Variants in LIMCH1 observed in about 807,000 individuals in gnomAD.
The protein encoded by LIMCH1 is LIM and calponin homology domains-containing protein 1.
In LIMCH1, 113 loss-of-function variants were observed where a neutral mutation model predicts 176.5. That is an observed-to-expected ratio of 0.64 (90% CI 0.55 to 0.75). The LOEUF is 0.75. Among genes scored for constraint, LIMCH1 ranks in the 30% least tolerant of loss-of-function variants. The pLI is 0.00. For missense variants in LIMCH1, 1,674 were observed against 1,814.9 expected, an observed-to-expected ratio of 0.92 and a Z score of 1.41; for synonymous variants, 619 against 645.9, an observed-to-expected ratio of 0.96 and a Z score of 0.63.
intron 18 of LIMCH1, among the ~76,000 whole-genome samples, chr4:41,659,473 T>G (rs962185214): frequency 6.6e-6 from 1 of 152,136 alleles, no homozygotes; most frequent in Non-Finnish European, 1.5e-5. Flanking sequence ...TGTTTAAAAT[T>G]TCTTTGTTTT....
rs756226674 is a variant in LIMCH1, at chr4:41,687,899, C to A, written c.4148C>A (p.Pro1383His). 5 of 1,613,488 alleles carry A rather than the reference C, an allele frequency of 3.1e-6. No homozygotes were observed. Among genetic ancestry groups the A allele is most frequent in the Non-Finnish European group, 3.4e-6 (4 of 1,179,608 alleles). ...TTCTCTCCCTGTTCTCCCACCCCTC[C>A]CGGTCAGTCACCAAACAGGTACAAG... The part of the protein sequence containing the change: ...GPFSPCSPTP[P>H]GQSPNRSISG... The change falls in exon 29 of 32, where the codon CCC (proline) becomes CAC (histidine). Residue 1383 changes from proline to histidine, a missense_variant. Transcript: ENST00000503057.
intron 22 of LIMCH1, among the ~76,000 whole-genome samples, chr4:41,674,755 A>C (rs1173010040): frequency 6.6e-6 from 1 of 152,230 alleles, no homozygotes; most frequent in African/African-American, 2.4e-5. Flanking sequence ...TTTATGATAA[A>C]GTGTTGAATA....
intron 22 of LIMCH1, among the ~76,000 whole-genome samples, chr4:41,671,982 G>A (rs1473147237): frequency 1.3e-5 from 2 of 151,882 alleles, no homozygotes; most frequent in Admixed American, 6.6e-5. Context: ...TAACGCCATT[G>A]GGTAAATTAT....
chr4:41,521,423 A>G (rs1269825163), intron 2 of LIMCH1, among the ~76,000 whole-genome samples: 2 of 152,194 alleles, frequency 1.3e-5, no homozygotes, highest in African/African-American at 2.4e-5. Context: ...CATCAGCATA[A>G]TCACTTCAAA....
At chr4:41,696,306 C>T (rs1035562503) in intron 31 of LIMCH1, among the ~76,000 whole-genome samples, 1 of 152,178 alleles carries the variant, frequency 6.6e-6, no homozygotes, top group Non-Finnish European at 1.5e-5. Flanking sequence ...TGTCTTTGTA[C>T]ATGGTGTTCT....
intron 2 of LIMCH1, among the ~76,000 whole-genome samples, chr4:41,522,309 G>A (rs1429825036): frequency 6.6e-6 from 1 of 151,910 alleles, no homozygotes; most frequent in Non-Finnish European, 1.5e-5. Context: ...GAAAAAACAA[G>A]GTGTAGGACA....
intron 1 of LIMCH1, among the ~76,000 whole-genome samples, chr4:41,479,386 G>A (rs529790622): frequency 6.6e-6 from 1 of 152,144 alleles, no homozygotes; most frequent in Admixed American, 6.5e-5. Context: ...CAAGTAGCTG[G>A]GTCTACATGC....
chr4:41,690,749 A>G (rs1005546261), intron 30 of LIMCH1, among the ~76,000 whole-genome samples: 10 of 152,328 alleles, frequency 6.6e-5, no homozygotes, highest in African/African-American at 2.4e-4. Flanking sequence ...AGCAAGATTT[A>G]TCATAGACAA....
chr4:41,435,314 G>C (rs1325837678), intron 1 of LIMCH1, among the ~76,000 whole-genome samples: 1 of 152,178 alleles, frequency 6.6e-6, no homozygotes, highest in African/African-American at 2.4e-5. Flanking sequence ...AAGGGACCAT[G>C]AGCAAAGGAA....
At chr4:41,545,893 C>A (rs1246201727) in intron 1 of LIMCH1, among the ~76,000 whole-genome samples, 3 of 152,084 alleles carry the variant, frequency 2.0e-5, no homozygotes, top group African/African-American at 7.2e-5. Flanking sequence ...CCATAGTTTA[C>A]ATGGTCCAAC....
At chr4:41,591,188 T>A (rs1160149276) in intron 1 of LIMCH1, among the ~76,000 whole-genome samples, 1 of 152,156 alleles carries the variant, frequency 6.6e-6, no homozygotes, top group Admixed American at 6.5e-5. Context: ...CTAGTCCGTA[T>A]TAAAATTTCT....
intron 1 of LIMCH1, chr4:41,473,274 A>G (rs1388298390): frequency 5.2e-6 from 4 of 775,238 alleles, no homozygotes; most frequent in African/African-American, 1.9e-5. Flanking sequence ...ATTTTGTGCA[A>G]TGGTACATCC....
At chr4:41,406,462 A>G (rs1279863376) in intron 1 of LIMCH1, among the ~76,000 whole-genome samples, 7 of 152,220 alleles carry the variant, frequency 4.6e-5, no homozygotes, top group African/African-American at 1.7e-4. Context: ...AATGGTGAGG[A>G]TAAGCTTATG....
In LIMCH1 at chr4:41,596,059, AAAT is replaced by A. The variant is rs1484866927; in HGVS notation, c.-240-2858_-240-2856del. On this transcript the variant is annotated intron_variant, in intron 1 of 31. Transcript: ENST00000503057. ...GTGAGACTCCATCTCAAAAAAAAAA[AAAT>A]AAAAAAGTTCACCAGCAAGCTTTGA... is the stretch of plus-strand genomic sequence containing the variant. 6.8e-3 allele frequency among the ~76,000 whole-genome samples: 965 copies of A among 141,334 alleles called. 77 individuals carry two copies. The highest frequency in any genetic ancestry group is 0.029 in the African/African-American group (920 of 32,168). The allele number at this position is 141,334 out of a possible 152,430, so 92.7% of individuals were successfully genotyped here.
intron 27 of LIMCH1, among the ~76,000 whole-genome samples, chr4:41,685,213 T>G (rs527572711): frequency 1.3e-5 from 2 of 152,210 alleles, no homozygotes; most frequent in African/African-American, 4.8e-5. Flanking sequence ...TTTTTTAGCT[T>G]GTTGTCTATA....
intron 1 of LIMCH1, among the ~76,000 whole-genome samples, chr4:41,426,080 G>C (rs2154133508): frequency 7.1e-6 from 1 of 140,420 alleles, no homozygotes; most frequent in African/African-American, 2.7e-5. Context: ...GGAGTGCAGT[G>C]GCGGGATCTC....
chr4:41,606,966 T>G (rs548011054), intron 4 of LIMCH1, among the ~76,000 whole-genome samples: 3 of 152,118 alleles, frequency 2.0e-5, no homozygotes, highest in African/African-American at 7.2e-5. Flanking sequence ...GCCTGGCTAA[T>G]TTTTGTATTT....
chr4:41,574,373 A>G (rs939273323), intron 1 of LIMCH1, among the ~76,000 whole-genome samples: 22 of 149,568 alleles, frequency 1.5e-4, no homozygotes, highest in Non-Finnish European at 4.4e-5. Flanking sequence ...AGCTCACTGC[A>G]AGCTCCACCT....
chr4:41,616,533 A>AAAT (rs35236549), intron 5 of LIMCH1, among the ~76,000 whole-genome samples: 8 of 150,528 alleles, frequency 5.3e-5, no homozygotes, highest in African/African-American at 2.0e-4. Flanking sequence ...CCATCTCAAA[A>AAAT]AATAATAATA....
Sources: gnomAD v4.1 joint callset for allele counts (sites outside exome capture counted in the v4.1 genomes callset) on GRCh38, gnomAD v4.1.1 for gene constraint, MANE v1.5 for transcripts, NCBI Gene and HGNC (gene_info 2026-07-23, HGNC 2026-07-21) for gene names.